Variants in ECH1 observed in about 807,000 individuals in gnomAD.
ECH1 encodes the protein delta(3,5)-Delta(2,4)-dienoyl-CoA isomerase, mitochondrial.
A neutral mutation model predicts 37.0 loss-of-function variants in ECH1; 30 were observed. That is an observed-to-expected ratio of 0.81 (90% CI 0.61 to 1.10). The LOEUF is 1.10. Ranked by LOEUF, ECH1 falls within the 50% of genes least tolerant of loss-of-function variation. ECH1 has a pLI of 0.00. For missense variants in ECH1, 456 were observed against 441.6 expected (o/e 1.03, Z -0.29); for synonymous variants, 178 against 176.0 (o/e 1.01, Z -0.09).
At chr19:38,830,385 T>C (rs950127296) in intron 3 of ECH1, among the ~76,000 whole-genome samples, 2 of 152,206 alleles carry the variant, frequency 1.3e-5, no homozygotes, top group Admixed American at 6.5e-5. Flanking sequence ...ATGTTGTTCA[T>C]GGCCACAGAT....
chr19:38,831,353 G>A lies in ECH1; in HGVS notation c.216C>T (p.Leu72=), dbSNP rs765769603. The A allele has an allele frequency of 5.0e-6, 8 of 1,613,642 alleles. No homozygotes were observed. In the African/African-American group the frequency reaches 8.0e-5, roughly 16 times the overall value. The change falls in exon 2 of 10, where the codon CTC becomes CTT. Residue 72 remains leucine (L), a synonymous_variant. Coordinates refer to ENST00000221418, the MANE Select transcript of ECH1 (RefSeq NM_001398.3). ...SAQKHVLHVQ[L]NRPNKRNAMN... ...TGGCATTCCTCTTGTTGGGCCGGTTGAGCTGGACATGCAGAACATGTTTCT... is the reference window on the plus strand; with the variant it reads ...TGGCATTCCTCTTGTTGGGCCGGTTAAGCTGGACATGCAGAACATGTTTCT...
intron 3 of ECH1, among the ~76,000 whole-genome samples, chr19:38,829,309 A>T (rs1201694893): frequency 6.8e-6 from 1 of 146,402 alleles, no homozygotes; most frequent in East Asian, 2.0e-4. Flanking sequence ...AAAAAAAAAA[A>T]AATTAGCTAG....
chr19:38,817,749 T>TA lies in ECH1; in HGVS notation c.350-175dup, dbSNP rs1365039355. ...GATTGCATGTTGGGTGGGAAGGAAA[T>TA]AAAAGCTAATATTTGTGGAGTCATT... On this transcript the variant is annotated intron_variant, in intron 3 of 9. Transcript: ENST00000221418. 4.1e-6 allele frequency: 4 copies of TA among 985,148 alleles called. No individual in the cohort carries two copies. In the African/African-American group the frequency reaches 7.0e-5, roughly 17 times the overall value. 61.0% of individuals were successfully genotyped at this position (985,148 alleles called of 1,614,324 possible). A position where few individuals can be genotyped will look rare whatever the true frequency, so the allele number is the denominator to read the frequency against.
intron 3 of ECH1, among the ~76,000 whole-genome samples, chr19:38,824,339 A>G (rs1190431363): frequency 1.3e-5 from 2 of 152,178 alleles, no homozygotes; most frequent in African/African-American, 4.8e-5. Context: ...TGCGTTGATG[A>G]GCACAACTAT....
chr19:38,828,121 A>C (rs746999869), intron 3 of ECH1, among the ~76,000 whole-genome samples: 14 of 151,980 alleles, frequency 9.2e-5, no homozygotes, highest in Non-Finnish European at 1.9e-4. Flanking sequence ...GAAACTCAAC[A>C]CTCTTTGGAA....
At chr19:38,827,558 G>A (rs904032188) in intron 3 of ECH1, among the ~76,000 whole-genome samples, 48 of 152,124 alleles carry the variant, frequency 3.2e-4, no homozygotes, top group African/African-American at 1.2e-3. Context: ...GGTGACCAAA[G>A]CTGCCGGGAA....
intron 3 of ECH1, chr19:38,820,092 ACT>A (rs1165571634): frequency 1.9e-6 from 1 of 514,988 alleles, no homozygotes; most frequent in Non-Finnish European, 2.3e-6. Flanking sequence ...ATGTAGTCTC[ACT>A]CTATCGCCCA....
At chr19:38,821,528 G>A (rs565767627) in intron 3 of ECH1, among the ~76,000 whole-genome samples, 5 of 152,332 alleles carry the variant, frequency 3.3e-5, no homozygotes, top group South Asian at 4.1e-4. Flanking sequence ...CAGGCTGCAC[G>A]CAGTGCTCTC....
chr19:38,819,223 G>C (rs904764907), intron 3 of ECH1: 23 of 985,308 alleles, frequency 2.3e-5, no homozygotes, highest in Non-Finnish European at 2.8e-5. Context: ...TTCTCATTGA[G>C]AAGGTGACCT....
At chr19:38,816,565 C>A (rs368363740) in intron 6 of ECH1, 42 bp from the exon 7 acceptor site, 16 of 1,607,880 alleles carry the variant, frequency 1.0e-5, no homozygotes, top group Non-Finnish European at 1.3e-5. Context: ...CTGCCCAATA[C>A]TGTGCCCCTC....
chr19:38,818,020 C>T (rs901944096), intron 3 of ECH1, among the ~76,000 whole-genome samples: 1 of 152,128 alleles, frequency 6.6e-6, no homozygotes, highest in Non-Finnish European at 1.5e-5. Flanking sequence ...CTCCCAGGTT[C>T]AAGCAATCCT....
intron 3 of ECH1, among the ~76,000 whole-genome samples, chr19:38,827,957 T>C (rs1361634927): frequency 6.6e-6 from 1 of 152,134 alleles, no homozygotes; most frequent in East Asian, 1.9e-4. Flanking sequence ...ACGCTTGTAG[T>C]CCCAGCACAT....
chr19:38,819,011 G>GCA (rs1971623540), intron 3 of ECH1: 2 of 517,354 alleles, frequency 3.9e-6, no homozygotes, highest in African/African-American at 2.1e-5. Flanking sequence ...GTGTGTGTGC[G>GCA]GGCACGTGCA....
chr19:38,831,199 G>A, intron 2 of ECH1, 33 bp from the exon 3 acceptor site: 1 of 1,612,578 alleles, frequency 6.2e-7, no homozygotes. Flanking sequence ...TTACAAATGG[G>A]GCGGGAATAC....
intron 3 of ECH1, among the ~76,000 whole-genome samples, chr19:38,827,464 C>T (rs1036253387): frequency 1.9e-4 from 29 of 152,162 alleles, no homozygotes; most frequent in African/African-American, 6.7e-4. Context: ...AACACTCTCT[C>T]GGTGTTTTTG....
intron 3 of ECH1, among the ~76,000 whole-genome samples, chr19:38,820,906 C>G (rs571212754): frequency 1.2e-4 from 19 of 152,270 alleles, no homozygotes; most frequent in African/African-American, 3.8e-4. Flanking sequence ...GGAGGGGGCT[C>G]TGGCACTGGA....
intron 3 of ECH1, 124 bp downstream of exon 3, chr19:38,830,954 C>CA (rs574213368): frequency 0.057 from 39,292 of 690,986 alleles, 13 homozygotes; most frequent in East Asian, 0.075. Context: ...GACCCCGTCT[C>CA]AAAAAAAAAA....
In ECH1 at chr19:38,815,748, G is replaced by T. The variant is rs764291702; in HGVS notation, c.883-31C>A. On this transcript the variant is annotated intron_variant, in intron 9 of 9. Coordinates refer to ENST00000221418, the MANE Select transcript of ECH1 (RefSeq NM_001398.3). ...ACCGAGGGTGTTGAGAGAGAACGAG[G>T]AGAGAGATTAGCAGGGGCCAATCAG... The T allele has an allele frequency of 1.1e-5, 17 of 1,614,048 alleles. 1 individual carries two copies. The South Asian group carries it at 1.9e-4, about 18-fold the overall frequency.
intron 3 of ECH1, among the ~76,000 whole-genome samples, chr19:38,822,339 G>C (rs2145377752): frequency 6.6e-6 from 1 of 151,102 alleles, no homozygotes; most frequent in Non-Finnish European, 1.5e-5. Flanking sequence ...TAATCTGGTG[G>C]GGACTTGGAG....
Sources: allele counts gnomAD v4.1 joint callset (sites outside exome capture counted in the v4.1 genomes callset), GRCh38; gene constraint gnomAD v4.1.1; transcripts MANE v1.5; gene names NCBI Gene and HGNC (gene_info 2026-07-23, HGNC 2026-07-21).